MME: variants seen among roughly 807,000 people sequenced by gnomAD.
The protein encoded by MME is membrane metalloendopeptidase, also known as neprilysin.
In MME, 98 loss-of-function variants were observed where a neutral mutation model predicts 113.2. The observed-to-expected ratio is 0.87, with a 90% CI of 0.74 to 1.02. The LOEUF (loss-of-function observed/expected upper bound fraction) is 1.02. Among genes scored for constraint, MME ranks in the 50% least tolerant of loss-of-function variants. MME has a pLI of 0.00. For synonymous variants in MME, 292 were observed against 300.6 expected, an observed-to-expected ratio of 0.97 and a Z score of 0.30; for missense variants, 836 against 896.0, an observed-to-expected ratio of 0.93 and a Z score of 0.86.
rs555751150 is a variant in MME at position 155,050,228 on chromosome 3, C to T, written c.-11+25904C>T. On this transcript the variant is annotated intron_variant, in intron 1 of 22. Coordinates refer to the MME transcript ENST00000492661. Reference sequence around the variant, plus strand: ...ATATACCACATTTTCTTTATTGAGTCTACCATTAATGGGCATTTAGGTTGA... The same window carrying T: ...ATATACCACATTTTCTTTATTGAGTTTACCATTAATGGGCATTTAGGTTGA... Among the ~76,000 whole-genome samples, 5 of 152,234 alleles carry T rather than the reference C, an allele frequency of 3.3e-5. No homozygotes were observed. In the South Asian group the frequency reaches 6.2e-4, roughly 19 times the overall value.
rs1361101107 is a variant in MME, at chr3:155,123,753, C to G, written c.720+4942C>G. ...AGAATGTTGAATACTGGCCCCCACT[C>G]TCTTCTGGCTTGTAGGGTTTCTGCC... On this transcript the variant is annotated intron_variant, in intron 8 of 22. Coordinates refer to ENST00000360490, the MANE Select transcript of MME (RefSeq NM_007289.4). 3.3e-5 allele frequency among the ~76,000 whole-genome samples: 2 copies of G among 60,638 alleles called. 1 individual carries two copies. The highest frequency in any genetic ancestry group is 7.4e-5 in the Non-Finnish European group (2 of 27,074). 39.8% of individuals were successfully genotyped at this position (60,638 alleles called of 152,430 possible). A position where few individuals can be genotyped will look rare whatever the true frequency, so the allele number is the denominator to read the frequency against.
intron 16 of MME, among the ~76,000 whole-genome samples, chr3:155,160,026 C>T (rs1722599019): frequency 6.6e-6 from 1 of 151,930 alleles, no homozygotes; most frequent in South Asian, 2.1e-4. Flanking sequence ...GTCAACTGCT[C>T]CAGAATCGTT....
intron 3 of MME, among the ~76,000 whole-genome samples, chr3:155,106,181 G>C (rs1025929078): frequency 6.6e-6 from 1 of 152,172 alleles, no homozygotes; most frequent in Non-Finnish European, 1.5e-5. Flanking sequence ...ATTTGTGTAA[G>C]TCTGCAGCTA....
intron 3 of MME, among the ~76,000 whole-genome samples, chr3:155,088,799 G>A (rs373746578): frequency 2.0e-4 from 30 of 152,224 alleles, no homozygotes; most frequent in African/African-American, 6.5e-4. Flanking sequence ...GTTCAAACCT[G>A]AGCTCAGAAA....
intron 8 of MME, among the ~76,000 whole-genome samples, chr3:155,124,316 TC>T (rs1719408206): frequency 6.6e-6 from 1 of 151,980 alleles, no homozygotes; most frequent in Non-Finnish European, 1.5e-5. Context: ...AGTTATACAT[TC>T]TTCTAAATTT....
intron 14 of MME, among the ~76,000 whole-genome samples, chr3:155,146,242 T>C (rs1323331957): frequency 6.6e-6 from 1 of 152,070 alleles, no homozygotes; most frequent in Non-Finnish European, 1.5e-5. Context: ...TAGTGATAAA[T>C]AGGCCAGGTG....
chr3:155,173,710 A>G (rs1010105613), intron 22 of MME, among the ~76,000 whole-genome samples: 1 of 151,980 alleles, frequency 6.6e-6, no homozygotes, highest in African/African-American at 2.4e-5. Context: ...AAGATATTCA[A>G]ATTAACTGCT....
chr3:155,157,518 A>C (rs569404581), intron 16 of MME, among the ~76,000 whole-genome samples: 25 of 152,268 alleles, frequency 1.6e-4, no homozygotes, highest in Admixed American at 3.3e-4. Context: ...ATTCCAACCA[A>C]AAGAACTTAC....
chr3:155,163,072 T>C (rs940968604), intron 17 of MME, among the ~76,000 whole-genome samples: 2 of 147,158 alleles, frequency 1.4e-5, no homozygotes, highest in African/African-American at 5.0e-5. Context: ...AATACACACA[T>C]ACCTACCTAT....
At chr3:155,037,083 T>C (rs1230006303) in intron 1 of MME, among the ~76,000 whole-genome samples, 1 of 152,196 alleles carries the variant, frequency 6.6e-6, no homozygotes, top group East Asian at 1.9e-4. Flanking sequence ...GTCATCTATA[T>C]GTGTGTTTGT....
chr3:155,037,741 T>C (rs947288380), intron 1 of MME, among the ~76,000 whole-genome samples: 1 of 152,184 alleles, frequency 6.6e-6, no homozygotes, highest in African/African-American at 2.4e-5. Context: ...CTATGCCAAA[T>C]GCTGCTAGAA....
Position 155,182,814 on chromosome 3 carries a change from A to G in MME, c.*2355A>G, listed in dbSNP as rs1474360508. The G allele has an allele frequency of 6.6e-6, 1 of 152,238 alleles. No homozygotes were observed. Among genetic ancestry groups the G allele is most frequent in the Non-Finnish European group, 1.5e-5 (1 of 68,052 alleles). 9.4% of individuals were successfully genotyped at this position (152,238 alleles called of 1,614,324 possible). ...ATATAAGATTTTCTGGGCCTAAAGG[A>G]TAGATCAAAGTCAAAAATAGCAATG... On this transcript the variant is annotated 3_prime_UTR_variant, in exon 23 of 23. Coordinates refer to ENST00000360490, the MANE Select transcript of MME (RefSeq NM_007289.4).
chr3:155,117,256 GC>G (rs1718702880), intron 7 of MME, among the ~76,000 whole-genome samples: 2 of 152,186 alleles, frequency 1.3e-5, no homozygotes, highest in South Asian at 4.1e-4. Flanking sequence ...AGGGCTCCAG[GC>G]CCCTCCTATT....
chr3:155,064,916 C>T (rs1714339686), intron 1 of MME, among the ~76,000 whole-genome samples: 1 of 152,154 alleles, frequency 6.6e-6, no homozygotes, highest in African/African-American at 2.4e-5. Context: ...GTGCATCACT[C>T]AATCTTTGCT....
At chr3:155,099,934 A>G (rs1717059992) in intron 3 of MME, among the ~76,000 whole-genome samples, 1 of 152,216 alleles carries the variant, frequency 6.6e-6, no homozygotes, top group African/African-American at 2.4e-5. Context: ...TGGCTGGGTC[A>G]AATGGTATTT....
chr3:155,164,622 G>A (rs1722956335), intron 17 of MME, among the ~76,000 whole-genome samples: 1 of 152,176 alleles, frequency 6.6e-6, no homozygotes, highest in African/African-American at 2.4e-5. Flanking sequence ...TTAATATTTA[G>A]TCTTGATAGC....
chr3:155,064,761 T>C (rs1176542385), intron 1 of MME, among the ~76,000 whole-genome samples: 1 of 152,188 alleles, frequency 6.6e-6, no homozygotes, highest in Non-Finnish European at 1.5e-5. Flanking sequence ...AAGAAAAATA[T>C]ATTGCCTCAC....
chr3:155,102,514 A>G (rs1717340466), intron 3 of MME, among the ~76,000 whole-genome samples: 1 of 152,186 alleles, frequency 6.6e-6, no homozygotes, highest in Non-Finnish European at 1.5e-5. Flanking sequence ...GCAGTCCACA[A>G]GAGCCCTTCC....
chr3:155,160,185 A>G (rs963224454), intron 16 of MME, among the ~76,000 whole-genome samples: 5 of 152,100 alleles, frequency 3.3e-5, no homozygotes, highest in African/African-American at 1.2e-4. Context: ...AAAAGATTAC[A>G]GACTTGAATA....
Sources: allele counts gnomAD v4.1 joint callset (sites outside exome capture counted in the v4.1 genomes callset), GRCh38; gene constraint gnomAD v4.1.1; transcripts MANE v1.5; gene names NCBI Gene and HGNC (gene_info 2026-07-23, HGNC 2026-07-21).